The following FGF12 variants were observed in gnomAD, a reference collection of about 807,000 sequenced individuals.
FGF12 encodes fibroblast growth factor 12, also known as fibroblast growth factor 12B.
In FGF12, 14 loss-of-function variants were observed where a neutral mutation model predicts 23.6. The ratio of observed to expected loss-of-function variants is 0.59; its 90% CI spans 0.39 to 0.93. The LOEUF (loss-of-function observed/expected upper bound fraction) is 0.93, where lower values mean the gene tolerates loss of function less well. FGF12 is among the 40% of genes least tolerant of loss of function. FGF12 has a pLI of 0.00. For missense variants in FGF12, 175 were observed against 217.8 expected, an observed-to-expected ratio of 0.80 and a Z score of 1.24; for synonymous variants, 62 against 77.3, an observed-to-expected ratio of 0.80 and a Z score of 1.04.
chr3:192,671,233 G>C (rs977980621), intron 2 of FGF12, among the ~76,000 whole-genome samples: 2 of 152,186 alleles, frequency 1.3e-5, no homozygotes, highest in African/African-American at 4.8e-5. Flanking sequence ...AACATTAAAA[G>C]AGAGTGATGT....
intron 3 of FGF12, among the ~76,000 whole-genome samples, chr3:192,346,524 C>T (rs1025943331): frequency 2.6e-5 from 4 of 152,114 alleles, no homozygotes; most frequent in African/African-American, 9.7e-5. Context: ...GTACCAGTGA[C>T]ACCTTTTGTT....
intron 5 of FGF12, among the ~76,000 whole-genome samples, chr3:192,164,896 G>T (rs923224729): frequency 3.9e-5 from 6 of 152,120 alleles, no homozygotes; most frequent in African/African-American, 1.4e-4. Context: ...GTGTCATCTA[G>T]TTATGTGCTT....
chr3:192,175,095 G>A (rs558717729), intron 4 of FGF12, among the ~76,000 whole-genome samples: 1 of 152,236 alleles, frequency 6.6e-6, no homozygotes, highest in Non-Finnish European at 1.5e-5. Flanking sequence ...AAAGCTTTTG[G>A]TAAAGACTTA....
chr3:192,245,258 G>A (rs1457468768), intron 4 of FGF12, among the ~76,000 whole-genome samples: 1 of 141,024 alleles, frequency 7.1e-6, no homozygotes, highest in Non-Finnish European at 1.6e-5. Flanking sequence ...ACCATGCCCG[G>A]CAATTTTATT....
intron 4 of FGF12, among the ~76,000 whole-genome samples, chr3:192,300,027 G>A (rs145535501): frequency 3.0e-4 from 45 of 152,164 alleles, no homozygotes; most frequent in South Asian, 6.2e-4. Context: ...TCCCACTGGG[G>A]CCTATTTTCT....
At chr3:192,707,473 T>C (rs894739822) in intron 2 of FGF12, among the ~76,000 whole-genome samples, 1 of 151,994 alleles carries the variant, frequency 6.6e-6, no homozygotes, top group East Asian at 1.9e-4. Context: ...AATAGCTGGG[T>C]GCGGTGGCTC....
At chr3:192,456,722 C>A (rs1722693060) in intron 2 of FGF12, among the ~76,000 whole-genome samples, 1 of 152,010 alleles carries the variant, frequency 6.6e-6, no homozygotes, top group Non-Finnish European at 1.5e-5. Context: ...AAGAATTACA[C>A]CCTGCAGGGT....
At chr3:192,416,933 A>G (rs934124119) in intron 2 of FGF12, among the ~76,000 whole-genome samples, 1 of 152,092 alleles carries the variant, frequency 6.6e-6, no homozygotes, top group Non-Finnish European at 1.5e-5. Context: ...ATGTATAAGA[A>G]TATTTCTTTA....
At chr3:192,214,971 C>T (rs1160857097) in intron 4 of FGF12, among the ~76,000 whole-genome samples, 1 of 152,200 alleles carries the variant, frequency 6.6e-6, no homozygotes, top group African/African-American at 2.4e-5. Context: ...AGAAATTCTT[C>T]ATGCTTTCAG....
At chr3:192,424,988 T>C (rs1721649609) in intron 2 of FGF12, among the ~76,000 whole-genome samples, 1 of 152,174 alleles carries the variant, frequency 6.6e-6, no homozygotes, top group South Asian at 2.1e-4. Context: ...ATATTTGTTG[T>C]TTTATATGTA....
intron 4 of FGF12, among the ~76,000 whole-genome samples, chr3:192,263,139 T>C (rs1485207379): frequency 1.3e-5 from 2 of 152,106 alleles, no homozygotes; most frequent in Non-Finnish European, 2.9e-5. Context: ...ATAGTAAGTA[T>C]ATAGTAGGTG....
At chr3:192,387,942 C>A (rs998266247) in intron 2 of FGF12, among the ~76,000 whole-genome samples, 2 of 151,930 alleles carry the variant, frequency 1.3e-5, no homozygotes, top group Admixed American at 6.6e-5. Flanking sequence ...TTGATTATAG[C>A]CACTCTTAGT....
At chr3:192,194,398 G>A (rs1716956036) in intron 4 of FGF12, among the ~76,000 whole-genome samples, 1 of 152,084 alleles carries the variant, frequency 6.6e-6, no homozygotes, top group African/African-American at 2.4e-5. Context: ...ATGAAACTCT[G>A]GAGATTCTCA....
rs79694566 is a variant in FGF12 at position 192,298,283 on chromosome 3, A to G, written c.228+37078T>C. Among the ~76,000 whole-genome samples, 133 of 152,352 alleles carry G rather than the reference A, an allele frequency of 8.7e-4. 2 individuals are homozygous for G. The highest frequency in any genetic ancestry group is 3.1e-3 in the African/African-American group (128 of 41,592). ...TGTCCCTTGATCTCATAGAGTTTAC[A>G]ATTAACTAGAGATATATAGGTAAGT... On this transcript the variant is annotated intron_variant, in intron 4 of 5. Coordinates refer to ENST00000445105, the MANE Select transcript of FGF12 (RefSeq NM_004113.6).
At chr3:192,427,501 T>C (rs1721729446) in intron 2 of FGF12, among the ~76,000 whole-genome samples, 1 of 152,208 alleles carries the variant, frequency 6.6e-6, no homozygotes, top group South Asian at 2.1e-4. Context: ...AGATGAATTT[T>C]TAAATTAGCA....
chr3:192,378,386 C>A (rs1719667666), intron 2 of FGF12, among the ~76,000 whole-genome samples: 1 of 143,612 alleles, frequency 7.0e-6, no homozygotes, highest in African/African-American at 3.0e-5. Context: ...GCTGGGATTA[C>A]AGGTGTGAGC....
chr3:192,606,563 C>A (rs1376927172), intron 2 of FGF12, among the ~76,000 whole-genome samples: 1 of 152,032 alleles, frequency 6.6e-6, no homozygotes, highest in Admixed American at 6.6e-5. Flanking sequence ...TAAATTAGTG[C>A]ACATTAATAA....
intron 2 of FGF12, among the ~76,000 whole-genome samples, chr3:192,586,780 G>T (rs1302365540): frequency 2.0e-5 from 3 of 152,090 alleles, no homozygotes; most frequent in African/African-American, 7.2e-5. Flanking sequence ...AGATCCATTT[G>T]TTTATGTTGG....
At chr3:192,269,581 AG>A (rs999052003) in intron 4 of FGF12, among the ~76,000 whole-genome samples, 14 of 152,150 alleles carry the variant, frequency 9.2e-5, no homozygotes, top group African/African-American at 3.4e-4. Context: ...GTCCTTCAAA[AG>A]TGTTTGGCAC....
Sources: gnomAD v4.1 joint callset for allele counts (sites outside exome capture counted in the v4.1 genomes callset) on GRCh38, gnomAD v4.1.1 for gene constraint, MANE v1.5 for transcripts, NCBI Gene and HGNC (gene_info 2026-07-23, HGNC 2026-07-21) for gene names.